Variants in CFAP43 observed in about 807,000 individuals in gnomAD.
CFAP43 encodes the protein cilia- and flagella-associated protein 43.
A neutral mutation model predicts 218.9 loss-of-function variants in CFAP43; 155 were observed. That is an observed-to-expected ratio of 0.71 (90% CI 0.62 to 0.81). The LOEUF is 0.81. Among genes scored for constraint, CFAP43 ranks in the 30% least tolerant of loss-of-function variants. The pLI is 0.00. For synonymous variants in CFAP43, 645 were observed against 681.3 expected, an observed-to-expected ratio of 0.95 and a Z score of 0.83; for missense variants, 1,778 against 1,954.3, an observed-to-expected ratio of 0.91 and a Z score of 1.70.
At chr10:104,192,098 C>G in intron 12 of CFAP43, 101 bp downstream of exon 12, 1 of 873,136 alleles carries the variant, frequency 1.1e-6, no homozygotes, top group Non-Finnish European at 1.7e-6. Context: ...AAATATGCCA[C>G]AAATAATTGT....
At position 104,129,893 on chromosome 10, in the gene CFAP43, T is replaced by G. The variant is rs564868712; in HGVS notation, c.*246A>C. 3.8e-4 allele frequency: 143 copies of G among 375,094 alleles called. No individual in the cohort carries two copies. Among genetic ancestry groups the G allele is most frequent in the Non-Finnish European group, 8.9e-5 (19 of 214,034 alleles). 23.2% of individuals were successfully genotyped at this position (375,094 alleles called of 1,614,324 possible). A position where few individuals can be genotyped will look rare whatever the true frequency, so the allele number is the denominator to read the frequency against. On this transcript the variant is annotated 3_prime_UTR_variant, in exon 38 of 38. Transcript: ENST00000357060. ...TGAGTAAAATAGATCTTGAATACTT[T>G]CTGACTTCAAGTCTTGTTTATTCTT...
intron 8 of CFAP43, among the ~76,000 whole-genome samples, chr10:104,200,653 A>T (rs944256352): frequency 6.9e-6 from 1 of 144,652 alleles, no homozygotes; most frequent in Non-Finnish European, 1.5e-5. Context: ...CCTGGGTGAC[A>T]GAGCAAGACT....
chr10:104,212,016 C>T lies in CFAP43; in HGVS notation c.726G>A (p.Glu242=), dbSNP rs368853574. The change falls in exon 5 of 38, where the codon GAG becomes GAA. Residue 242 remains glutamate (E), a synonymous_variant. Transcript: ENST00000357060. ...AIAGLVGKEA[E]TFRPKDDLYP... is the part of the protein sequence containing the mutation. ...GGTGCCAGGTAATTACCCGGAAAGT[C>T]TCTGCCTCTTTGCCTACCAGCCCGG... is the stretch of plus-strand genomic sequence containing the variant. 5.6e-6 allele frequency: 9 copies of T among 1,613,020 alleles called. No homozygotes were observed. In the African/African-American group the frequency reaches 9.3e-5, roughly 17 times the overall value.
At position 104,162,399 on chromosome 10, in the gene CFAP43, G is replaced by T. The variant is rs1329457211; in HGVS notation, c.3251C>A (p.Thr1084Lys). ...CCACGGCTTAATGTGTTTGTGGGCT[G>T]TAATCTGAAAGAGAAAATGTCATTT... ...RTLVVQDEEI[T>K]AHKHIKPWHK... is the part of the protein sequence containing the mutation. The change falls in exon 25 of 38, where the codon ACA (threonine) becomes AAA (lysine). Residue 1084 changes from threonine to lysine, a missense_variant. This residue lies in a region of CFAP43 where 1,553 missense variants were observed against 1,685.2 expected (regional missense o/e 0.92). Coordinates refer to ENST00000357060, the MANE Select transcript of CFAP43 (RefSeq NM_025145.7). 1.2e-6 allele frequency: 2 copies of T among 1,613,148 alleles called. No individual in the cohort carries two copies.
intron 27 of CFAP43, among the ~76,000 whole-genome samples, chr10:104,158,820 G>C (rs1257296634): frequency 5.9e-5 from 9 of 152,172 alleles, no homozygotes; most frequent in African/African-American, 2.2e-4. Flanking sequence ...CATGATATCT[G>C]TGATTTGTCT....
intron 32 of CFAP43, among the ~76,000 whole-genome samples, 182 bp downstream of exon 32, chr10:104,143,244 C>T (rs911873546): frequency 5.9e-5 from 9 of 152,124 alleles, no homozygotes; most frequent in Non-Finnish European, 1.0e-4. Flanking sequence ...AAGCAACAGG[C>T]CTACACTTAG....
intron 3 of CFAP43, among the ~76,000 whole-genome samples, chr10:104,221,827 G>T (rs1243620531): frequency 6.6e-6 from 1 of 152,090 alleles, no homozygotes; most frequent in Non-Finnish European, 1.5e-5. Context: ...GGGGGTTGCT[G>T]CAGGGGGGAG....
At chr10:104,163,439 T>C (rs1245478937) in intron 24 of CFAP43, among the ~76,000 whole-genome samples, 2 of 152,250 alleles carry the variant, frequency 1.3e-5, no homozygotes, top group African/African-American at 4.8e-5. Flanking sequence ...AGGTCTTTCT[T>C]TGAGTATTCT....
chr10:104,160,544 G>C (rs1246221), intron 27 of CFAP43, among the ~76,000 whole-genome samples: 42,408 of 152,118 alleles, frequency 0.28, 8,476 homozygotes, highest in African/African-American at 0.58. Flanking sequence ...CCTTCTGATG[G>C]ATGGGGATAA....
At chr10:104,217,507 G>A (rs1008098550) in intron 3 of CFAP43, among the ~76,000 whole-genome samples, 2 of 152,080 alleles carry the variant, frequency 1.3e-5, no homozygotes, top group African/African-American at 2.4e-5. Context: ...TACAGCACTC[G>A]CATGCTACAT....
rs1281421768 is a variant in CFAP43, at chr10:104,133,774, T to C, written c.4442A>G (p.Gln1481Arg). Residue 1481 changes from glutamine to arginine, a missense_variant, in exon 35 of 38, where the codon CAA becomes CGA. Physicochemically the swap from Gln to Arg is conservative, Grantham distance 43. This residue lies in a region of CFAP43 where 211 missense variants were observed against 230.6 expected (regional missense o/e 0.91). Transcript: ENST00000357060. The stretch of plus-strand genomic sequence containing the variant: ...TTCCATCATGCTAGCAACTTTCTTT[T>C]GTCCTTGAGTCTTTAAAAAAGTACA... ...DLNSVIRTQGQKKVASMMESK... is the reference protein window; with the variant it reads ...DLNSVIRTQGRKKVASMMESK... The C allele has an allele frequency of 6.2e-7, 1 of 1,606,560 alleles. No homozygotes were observed. The highest frequency in any genetic ancestry group is 1.3e-5 in the African/African-American group (1 of 74,424).
chr10:104,200,540 G>A lies in CFAP43; in HGVS notation c.1096-2502C>T, dbSNP rs574814218. Among the ~76,000 whole-genome samples the A allele has an allele frequency of 5.3e-5, 8 of 151,728 alleles. No homozygotes were observed. In the South Asian group the frequency reaches 6.3e-4, roughly 12 times the overall value. ...CAAAAATTCAGCTGGGCATGGTGGCGCACACCTGTAGTCCCAGCTACTCAG... is the reference window on the plus strand; with the variant it reads ...CAAAAATTCAGCTGGGCATGGTGGCACACACCTGTAGTCCCAGCTACTCAG... On this transcript the variant is annotated intron_variant, in intron 8 of 37. Coordinates refer to ENST00000357060, the MANE Select transcript of CFAP43 (RefSeq NM_025145.7).
At chr10:104,174,797 T>A (rs1269810169) in intron 19 of CFAP43, among the ~76,000 whole-genome samples, 2 of 152,038 alleles carry the variant, frequency 1.3e-5, no homozygotes, top group African/African-American at 2.4e-5. Flanking sequence ...GGCCCACGCC[T>A]GTAATCCCAG....
chr10:104,208,734 T>C (rs758823309), intron 5 of CFAP43, among the ~76,000 whole-genome samples: 2 of 152,180 alleles, frequency 1.3e-5, no homozygotes, highest in African/African-American at 2.4e-5. Context: ...AAAATCCATA[T>C]ATATTTCAAA....
At chr10:104,167,594 T>C in intron 22 of CFAP43, 27 bp downstream of exon 22, 3 of 1,539,058 alleles carry the variant, frequency 1.9e-6, no homozygotes, top group East Asian at 2.3e-5. Context: ...ATCACTTATA[T>C]AAACACATGT....
At chr10:104,153,012 A>C (rs902362853) in intron 27 of CFAP43, among the ~76,000 whole-genome samples, 3 of 152,202 alleles carry the variant, frequency 2.0e-5, no homozygotes, top group African/African-American at 7.2e-5. Context: ...AATTGCAGCA[A>C]ATCTTTCCAG....
intron 3 of CFAP43, among the ~76,000 whole-genome samples, chr10:104,224,960 G>A (rs144842221): frequency 1.1e-4 from 16 of 152,160 alleles, no homozygotes; most frequent in East Asian, 3.9e-4. Context: ...AGTTGGCCAC[G>A]TGAAATGATC....
intron 8 of CFAP43, among the ~76,000 whole-genome samples, chr10:104,198,385 C>A (rs1244597002): frequency 6.6e-6 from 1 of 152,042 alleles, no homozygotes; most frequent in Non-Finnish European, 1.5e-5. Flanking sequence ...CAGGTTCAAG[C>A]ATTCTCCTGC....
chr10:104,168,711 A>G (rs2089283604), intron 21 of CFAP43, 33 bp downstream of exon 21: 1 of 1,525,416 alleles, frequency 6.6e-7, no homozygotes, highest in South Asian at 1.1e-5. Context: ...GACAATTCTC[A>G]TCAGGTTTTG....
Sources: allele counts gnomAD v4.1 joint callset (sites outside exome capture counted in the v4.1 genomes callset), GRCh38; gene constraint gnomAD v4.1.1; regional missense constraint gnomAD v4.1.1; transcripts MANE v1.5; gene names NCBI Gene and HGNC (gene_info 2026-07-23, HGNC 2026-07-21).